Variants in HBP1 observed in about 807,000 individuals in gnomAD.
The protein encoded by HBP1 is HMG-box transcription factor 1.
In HBP1, 20 loss-of-function variants were observed where a neutral mutation model predicts 62.6. The ratio of observed to expected loss-of-function variants is 0.32; its 90% CI spans 0.22 to 0.46. The LOEUF is 0.46. Ranked by LOEUF, HBP1 falls within the 20% of genes least tolerant of loss-of-function variation. HBP1 has a pLI of 1.00. For missense variants in HBP1, 480 were observed against 611.8 expected, an observed-to-expected ratio of 0.78 and a Z score of 2.27; for synonymous variants, 232 against 206.2, an observed-to-expected ratio of 1.12 and a Z score of -1.07.
chr7:107,184,506 C>G (rs575951205), intron 3 of HBP1, among the ~76,000 whole-genome samples: 1 of 150,794 alleles, frequency 6.6e-6, no homozygotes, highest in South Asian at 2.1e-4. Flanking sequence ...TGTCCTTTCT[C>G]TCTTTTTTGT....
chr7:107,193,101 AAGT>A (rs1431931939), intron 8 of HBP1: 1 of 152,164 alleles, frequency 6.6e-6, no homozygotes. Context: ...GTTCTGTTGT[AAGT>A]AGCCCATTCT....
chr7:107,199,745 ACTT>A (rs973332982), intron 9 of HBP1, among the ~76,000 whole-genome samples: 24 of 152,210 alleles, frequency 1.6e-4, no homozygotes, highest in African/African-American at 5.8e-4. Context: ...TATCAGTTTA[ACTT>A]CTTAGCATTT....
At chr7:107,182,229 C>T in intron 2 of HBP1, 144 bp from the exon 3 acceptor site, 1 of 608,432 alleles carries the variant, frequency 1.6e-6, no homozygotes, top group South Asian at 2.0e-5. Flanking sequence ...TTTTTCCAGT[C>T]TGTGAACAGA....
chr7:107,185,846 C>T lies in HBP1; in HGVS notation c.444C>T (p.Ser148=), dbSNP rs148417985. The T allele has an allele frequency of 1.3e-5, 21 of 1,612,820 alleles. No homozygotes were observed. In the African/African-American group the frequency reaches 2.5e-4, roughly 19 times the overall value. ...TAGCCACTAGCAAAAGTTTACATTCCTATGCACGCCCTCCACCAGTGTCCT... is the reference window on the plus strand; with the variant it reads ...TAGCCACTAGCAAAAGTTTACATTCTTATGCACGCCCTCCACCAGTGTCCT... ...HIIATSKSLH[S]YARPPPVSSS... The change falls in exon 4 of 11, where the codon TCC becomes TCT. Residue 148 remains serine, a synonymous_variant. Coordinates refer to ENST00000222574, the MANE Select transcript of HBP1 (RefSeq NM_012257.4).
In HBP1 at chr7:107,186,768, A is replaced by G. The variant is rs73187319; in HGVS notation, c.765+87A>G. The stretch of plus-strand genomic sequence containing the variant: ...TAATCTACAGAAATATCCTCCATTC[A>G]CTTTGATATTTAAATGACATCGTAC... On this transcript the variant is annotated intron_variant, in intron 6 of 10. Transcript: ENST00000222574. 1.5e-5 allele frequency: 11 copies of G among 757,672 alleles called. No homozygotes were observed. The African/African-American group carries it at 1.9e-4, about 13-fold the overall frequency. The allele number at this position is 757,672 out of a possible 1,614,324, so 46.9% of individuals were successfully genotyped here.
intron 9 of HBP1, 83 bp from the exon 10 acceptor site, chr7:107,200,077 T>G (rs1798156241): frequency 8.8e-7 from 1 of 1,133,548 alleles, no homozygotes; most frequent in South Asian, 1.9e-5. Flanking sequence ...TAACTTCACA[T>G]TTTTCTCCTG....
At chr7:107,171,073 A>ATATATATATATATATATATTTTTT in intron 1 of HBP1, among the ~76,000 whole-genome samples, 5 of 87,194 alleles carry the variant, frequency 5.7e-5, no homozygotes, top group African/African-American at 3.3e-4. Context: ...ATATATATAT[A>ATATATATATATATATATATTTTTT]TTTTTTTTTT....
chr7:107,176,140 C>T (rs1260000710), intron 1 of HBP1, among the ~76,000 whole-genome samples: 4 of 151,992 alleles, frequency 2.6e-5, no homozygotes, highest in Non-Finnish European at 4.4e-5. Flanking sequence ...ATTCTCCTGC[C>T]TCAGGTTGCT....
intron 9 of HBP1, among the ~76,000 whole-genome samples, chr7:107,198,759 G>A (rs770003447): frequency 6.6e-5 from 10 of 152,176 alleles, no homozygotes; most frequent in Non-Finnish European, 1.3e-4. Context: ...ATTTTAAGTT[G>A]CTATAAATGT....
intron 8 of HBP1, among the ~76,000 whole-genome samples, chr7:107,190,613 A>G (rs1797600913): frequency 6.6e-6 from 1 of 151,830 alleles, no homozygotes; most frequent in African/African-American, 2.4e-5. Context: ...TTCAGCTTTG[A>G]TAGTTACATT....
In HBP1 at chr7:107,170,746, C is replaced by T. The variant is rs540820620; in HGVS notation, c.-16+1561C>T. Among the ~76,000 whole-genome samples the T allele has an allele frequency of 4.0e-5, 6 of 151,700 alleles. No individual in the cohort carries two copies. In the South Asian group the frequency reaches 1.2e-3, roughly 31 times the overall value. ...ACTTATCTTTTCTGTCTCGAAAACC[C>T]TTCCTCTTTCTTAACTTCTCAAACT... On this transcript the variant is annotated intron_variant, in intron 1 of 10. Transcript: ENST00000222574.
In HBP1 at chr7:107,182,583, A is replaced by T. The variant is rs17851988; in HGVS notation, c.380A>T (p.Gln127Leu). Residue 127 changes from glutamine (Q) to leucine (L), a missense_variant, in exon 3 of 11, where the codon CAG (glutamine) becomes CTG (leucine). Transcript: ENST00000222574. ...IATSPQSPLM[Q>L]CSFYNRSSPV... ...ACCAGTCCACAAAGTCCACTGATGCAGTGCTCATTTTACAATAGGTAGGAG... is the reference window on the plus strand; with the variant it reads ...ACCAGTCCACAAAGTCCACTGATGCTGTGCTCATTTTACAATAGGTAGGAG... 6.3e-7 allele frequency: 1 copy of T among 1,582,234 alleles called. No individual in the cohort carries two copies. Among genetic ancestry groups the T allele is most frequent in the Non-Finnish European group, 8.7e-7 (1 of 1,151,294 alleles).
rs747090353 is a variant in HBP1, at chr7:107,200,145, A to ATATT, written c.1386-9_1386-6dup. ...AATGTGTGCTTTCAGCATTGTGTAAATATTTATTTTACAGAGCCATAAGTG... is the reference window on the plus strand; with the variant it reads ...AATGTGTGCTTTCAGCATTGTGTAAATATTTATTTATTTTACAGAGCCATAAGTG... On this transcript the variant is annotated splice_polypyrimidine_tract_variant and intron_variant, in intron 9 of 10. Coordinates refer to ENST00000222574, the MANE Select transcript of HBP1 (RefSeq NM_012257.4). The ATATT allele has an allele frequency of 2.6e-6, 4 of 1,557,128 alleles. No homozygotes were observed. The highest frequency in any genetic ancestry group is 2.0e-5 in the Admixed American group (1 of 50,104).
At position 107,186,603 on chromosome 7, in the gene HBP1, G is replaced by A; in HGVS notation, c.687G>A (p.Lys229=). 1 of 1,613,708 alleles carries A rather than the reference G, an allele frequency of 6.2e-7. No homozygotes were observed. The highest frequency in any genetic ancestry group is 2.2e-5 in the East Asian group (1 of 44,876). ...TGTGCTTTCATAAGGGAAGCAATAA[G>A]GAATGGCAAGATGTTGAAGATTTTG... ...TRLCFHKGSN[K]EWQDVEDFAR... The change falls in exon 6 of 11, where the codon AAG becomes AAA. Residue 229 remains lysine (K), a synonymous_variant. Transcript: ENST00000222574.
chr7:107,169,171 G>C lies in HBP1; in HGVS notation c.-30G>C. 2 of 1,097,104 alleles carry C rather than the reference G, an allele frequency of 1.8e-6. No individual in the cohort carries two copies. The highest frequency in any genetic ancestry group is 2.3e-6 in the Non-Finnish European group (2 of 886,004). 68.0% of individuals were successfully genotyped at this position (1,097,104 alleles called of 1,614,324 possible). On this transcript the variant is annotated 5_prime_UTR_variant, in exon 1 of 11. Transcript: ENST00000222574. ...CGGAGCGGCCCGCGCCTGGGCTGCC[G>C]GCACTTCGCGGCAGGTTTGTTGTCT...
intron 1 of HBP1, among the ~76,000 whole-genome samples, chr7:107,170,851 A>C (rs2115748773): frequency 6.6e-6 from 1 of 150,976 alleles, no homozygotes; most frequent in East Asian, 1.9e-4. Context: ...TGTGTGCTTC[A>C]CAGGGCATAC....
chr7:107,176,454 C>CA (rs1796856546), intron 1 of HBP1, among the ~76,000 whole-genome samples: 1 of 152,154 alleles, frequency 6.6e-6, no homozygotes, highest in African/African-American at 2.4e-5. Flanking sequence ...GCAACTAATA[C>CA]AATGCCCTGT....
chr7:107,176,700 AT>A (rs10713097), intron 1 of HBP1, among the ~76,000 whole-genome samples: 53,093 of 129,886 alleles, frequency 0.41, 11,859 homozygotes, highest in African/African-American at 0.67. Flanking sequence ...AATTTGCTCC[AT>A]TTTTTTTTTT....
intron 2 of HBP1, 85 bp from the exon 3 acceptor site, chr7:107,182,288 A>G: frequency 1.4e-6 from 1 of 709,362 alleles, no homozygotes; most frequent in South Asian, 1.7e-5. Flanking sequence ...GCTAAAATTG[A>G]GGACTTCTCT....
Sources: allele counts gnomAD v4.1 joint callset (sites outside exome capture counted in the v4.1 genomes callset), GRCh38; gene constraint gnomAD v4.1.1; transcripts MANE v1.5; gene names NCBI Gene and HGNC (gene_info 2026-07-23, HGNC 2026-07-21).